Variants in SPATA21 observed in about 807,000 individuals in gnomAD.
The protein encoded by SPATA21 is spermatogenesis-associated protein 21.
Under a neutral mutation model 54.8 loss-of-function variants are expected in SPATA21, and 47 were observed. The ratio of observed to expected loss-of-function variants is 0.86; its 90% CI spans 0.68 to 1.09. The LOEUF is 1.09. SPATA21 is among the 50% of genes least tolerant of loss of function. The pLI is 0.00. For synonymous variants in SPATA21, 245 were observed against 235.3 expected (o/e 1.04, Z -0.38); for missense variants, 599 against 596.4 (o/e 1.00, Z -0.05).
At chr1:16,397,204 A>G (rs2085326643), downstream of SPATA21, 2 of 152,224 alleles carry the variant, frequency 1.3e-5, no homozygotes, top group African/African-American at 4.8e-5. The surrounding 1 kb of genome is among the most constrained non-coding windows in gnomAD (Gnocchi z 5.4). Context: ...GTGTCTGTGG[A>G]TTGAGGATGT....
Position 16,409,304 on chromosome 1 carries a change from G to A in SPATA21, c.588-101C>T, listed in dbSNP as rs2085753446. On this transcript the variant is annotated intron_variant, in intron 6 of 12. Coordinates refer to ENST00000335496, the MANE Select transcript of SPATA21 (RefSeq NM_198546.1). The surrounding 1 kb of genome is among the most constrained non-coding windows in gnomAD (Gnocchi z 4.1). The stretch of plus-strand genomic sequence containing the variant: ...GAGCCTGCAGGAGGAGGTCGTGGGG[G>A]AGGCTTTGGGGAGCCCGGAGAGATC... 3 of 1,304,190 alleles carry A rather than the reference G, an allele frequency of 2.3e-6. No individual in the cohort carries two copies. The highest frequency in any genetic ancestry group is 2.9e-5 in the African/African-American group (2 of 68,450). 80.8% of individuals were successfully genotyped at this position (1,304,190 alleles called of 1,614,324 possible). A position where few individuals can be genotyped will look rare whatever the true frequency, so the allele number is the denominator to read the frequency against.
chr1:16,406,305 C>G (rs1346303479), intron 7 of SPATA21, among the ~76,000 whole-genome samples: 7 of 152,096 alleles, frequency 4.6e-5, no homozygotes, highest in Non-Finnish European at 1.0e-4. Flanking sequence ...ATTTAATGAG[C>G]CGGATTGCTC....
chr1:16,425,578 C>A, intron 3 of SPATA21: 1 of 1,550,032 alleles, frequency 6.5e-7, no homozygotes, highest in Non-Finnish European at 8.7e-7. Flanking sequence ...GTTGCCTCCC[C>A]TGCTGGCCCT....
chr1:16,398,594 G>A, downstream of SPATA21: 1 of 695,260 alleles, frequency 1.4e-6, no homozygotes. Flanking sequence ...GAGCCCAGTG[G>A]TGGCTGGGTG....
chr1:16,396,099 C>A (rs1304606622), downstream of SPATA21: 3 of 152,660 alleles, frequency 2.0e-5, no homozygotes, highest in African/African-American at 7.2e-5. Context: ...CATCCCTGGG[C>A]TTAGAAGTGA....
At chr1:16,427,966 G>A in intron 3 of SPATA21, 1 of 1,550,108 alleles carries the variant, frequency 6.5e-7, no homozygotes, top group South Asian at 1.2e-5. Context: ...TCGTGAAGCT[G>A]ATGAGAGGTG....
chr1:16,425,741 A>G (rs2086301873), intron 3 of SPATA21: 1 of 1,545,650 alleles, frequency 6.5e-7, no homozygotes, highest in Non-Finnish European at 8.7e-7. Flanking sequence ...CCTGGGGAAA[A>G]TAGACAAAGT....
At position 16,431,437 on chromosome 1, in the gene SPATA21, C is replaced by A; in HGVS notation, c.-51-15G>T. 1 of 1,601,208 alleles carries A rather than the reference C, an allele frequency of 6.2e-7. No individual in the cohort carries two copies. ...CTAGTGTGCTCCTACAGGAGAAATC[C>A]AATCAAGCGTCCCACCAAGCCCATC... On this transcript the variant is annotated splice_polypyrimidine_tract_variant and intron_variant, in intron 2 of 12. Transcript: ENST00000335496.
intron 3 of SPATA21, among the ~76,000 whole-genome samples, chr1:16,424,164 C>T (rs1454364801): frequency 7.8e-6 from 1 of 127,540 alleles, no homozygotes; most frequent in East Asian, 2.3e-4. Flanking sequence ...TAAATCTTAC[C>T]AGGCTGGGTG....
In SPATA21 at chr1:16,418,508, A is replaced by G. The variant is rs183541437; in HGVS notation, c.144+3001T>C. Reference sequence around the variant, plus strand: ...AGGATGGTCTCGATCTCCTGACCTCATGATCCTCCCGCCTCAGCCTCCCAA... The same window carrying G: ...AGGATGGTCTCGATCTCCTGACCTCGTGATCCTCCCGCCTCAGCCTCCCAA... On this transcript the variant is annotated intron_variant, in intron 5 of 12. Coordinates refer to ENST00000335496, the MANE Select transcript of SPATA21 (RefSeq NM_198546.1). Among the ~76,000 whole-genome samples the G allele has an allele frequency of 7.6e-3, 1,145 of 150,524 alleles. 8 individuals carry two copies. The highest frequency in any genetic ancestry group is 0.027 in the African/African-American group (1,090 of 40,962).
intron 1 of SPATA21, among the ~76,000 whole-genome samples, chr1:16,436,760 C>T (rs1040347281): frequency 4.0e-5 from 6 of 150,016 alleles, no homozygotes; most frequent in South Asian, 4.2e-4. Context: ...AGCAAGACTC[C>T]GTCTCAAAAA....
At chr1:16,413,996 T>C (rs768256320) in intron 5 of SPATA21, among the ~76,000 whole-genome samples, 4 of 151,560 alleles carry the variant, frequency 2.6e-5, no homozygotes, top group Non-Finnish European at 4.4e-5. Flanking sequence ...CACATCCTTG[T>C]CAACACTTGT....
chr1:16,402,918 C>T (rs1452794619), intron 10 of SPATA21, among the ~76,000 whole-genome samples: 2 of 152,246 alleles, frequency 1.3e-5, no homozygotes, highest in East Asian at 3.9e-4. Context: ...AGAGCGAGAC[C>T]CGGCCACCTC....
intron 3 of SPATA21, chr1:16,424,895 T>C: frequency 3.6e-6 from 1 of 280,690 alleles, no homozygotes; most frequent in South Asian, 3.3e-5. Flanking sequence ...GTGGGGCCAC[T>C]CTGGAAACAA....
In SPATA21 at chr1:16,437,213, C is replaced by CT. The variant is rs1427483002; in HGVS notation, c.-273dup. 2.0e-5 allele frequency: 3 copies of CT among 152,236 alleles called. No homozygotes were observed. The highest frequency in any genetic ancestry group is 4.4e-5 in the Non-Finnish European group (3 of 68,066). The allele number at this position is 152,236 out of a possible 1,614,324, so 9.4% of individuals were successfully genotyped here. A position where few individuals can be genotyped will look rare whatever the true frequency, so the allele number is the denominator to read the frequency against. Reference sequence around the variant, plus strand: ...AGGATGGGCTCTGTCTGAGCCTATACTTTGCCTGTTGGCTTGAATTGGATT... The same window carrying CT: ...AGGATGGGCTCTGTCTGAGCCTATACTTTTGCCTGTTGGCTTGAATTGGATT... On this transcript the variant is annotated 5_prime_UTR_variant, in exon 1 of 13. Coordinates refer to ENST00000335496, the MANE Select transcript of SPATA21 (RefSeq NM_198546.1).
downstream of SPATA21, chr1:16,398,604 G>A (rs928699160): frequency 1.3e-6 from 1 of 744,952 alleles, no homozygotes; most frequent in Non-Finnish European, 2.2e-6. Context: ...GTGGCTGGGT[G>A]ACAACTTGAG....
rs934561855 is a variant in SPATA21 at position 16,405,230 on chromosome 1, G to A, written c.674-126C>T. 3.4e-4 allele frequency: 456 copies of A among 1,341,704 alleles called. 1 individual carries two copies. Among genetic ancestry groups the A allele is most frequent in the East Asian group, 4.0e-4 (15 of 37,340 alleles). The allele number at this position is 1,341,704 out of a possible 1,614,324, so 83.1% of individuals were successfully genotyped here. A position where few individuals can be genotyped will look rare whatever the true frequency, so the allele number is the denominator to read the frequency against. Reference sequence around the variant, plus strand: ...AAGTGAAAATAAAATTGCTGGGTGCGTTGGCTCACACCTGTAATCCCAACA... The same window carrying A: ...AAGTGAAAATAAAATTGCTGGGTGCATTGGCTCACACCTGTAATCCCAACA... On this transcript the variant is annotated intron_variant, in intron 7 of 12. Coordinates refer to ENST00000335496, the MANE Select transcript of SPATA21 (RefSeq NM_198546.1).
chr1:16,407,126 G>A (rs2085668002), intron 7 of SPATA21, among the ~76,000 whole-genome samples: 1 of 152,204 alleles, frequency 6.6e-6, no homozygotes, highest in Non-Finnish European at 1.5e-5. Flanking sequence ...TGTTAGCCTG[G>A]AAGTCTCTGA....
chr1:16,402,783 G>A (rs1055088162), intron 10 of SPATA21, among the ~76,000 whole-genome samples: 3 of 152,044 alleles, frequency 2.0e-5, no homozygotes, highest in African/African-American at 7.2e-5. Flanking sequence ...TTGGGAAGCC[G>A]GGCATGGTGG....
Sources: gnomAD v4.1 joint callset for allele counts (sites outside exome capture counted in the v4.1 genomes callset) on GRCh38, gnomAD v4.1.1 for gene constraint, Gnocchi (gnomAD v3.1) non-coding constraint, MANE v1.5 for transcripts, NCBI Gene and HGNC (gene_info 2026-07-23, HGNC 2026-07-21) for gene names.